The following GET4 variants were observed in gnomAD, a reference collection of about 807,000 sequenced individuals.
GET4 encodes the protein guided entry of tail-anchored proteins factor 4, also known as Golgi to ER traffic protein 4 homolog.
GET4 carries 20 observed loss-of-function variants against 40.0 expected under a neutral mutation model. The observed-to-expected ratio is 0.50, with a 90% confidence interval of 0.35 to 0.73. The LOEUF (loss-of-function observed/expected upper bound fraction) is 0.73, where lower values mean the gene tolerates loss of function less well. Among genes scored for constraint, GET4 ranks in the 30% least tolerant of loss-of-function variants. GET4 has a pLI of 0.01. For missense variants in GET4, 557 were observed against 454.0 expected (o/e 1.23, Z -2.06); for synonymous variants, 280 against 194.6 (o/e 1.44, Z -3.65).
At chr7:893,855 G>A (rs367686493) in intron 7 of GET4, 40 bp downstream of exon 7, 65 of 1,604,370 alleles carry the variant, frequency 4.1e-5, no homozygotes, top group South Asian at 3.3e-4. Flanking sequence ...GGGACCCCAC[G>A]GTCTGGGTCC....
At chr7:892,131 C>T (rs189087370) in intron 5 of GET4, 147 bp from the exon 6 acceptor site, 3 of 701,006 alleles carry the variant, frequency 4.3e-6, no homozygotes, top group Non-Finnish European at 4.9e-6. Context: ...AGGGAAGACA[C>T]GCGTGAAGCA....
intron 1 of GET4, among the ~76,000 whole-genome samples, chr7:878,985 C>G (rs80267638): frequency 6.6e-6 from 1 of 151,138 alleles, no homozygotes; most frequent in Non-Finnish European, 1.5e-5. Flanking sequence ...CACCCCCCCC[C>G]GAGTAGAGTC....
At chr7:887,676 A>T (rs1844219393) in intron 4 of GET4, among the ~76,000 whole-genome samples, 157 bp downstream of exon 4, 1 of 152,108 alleles carries the variant, frequency 6.6e-6, no homozygotes, top group African/African-American at 2.4e-5. Context: ...CGCCATGCTA[A>T]GCCCGGGATC....
At chr7:877,703 GCCCGGCC>G in intron 1 of GET4, among the ~76,000 whole-genome samples, 1 of 73,062 alleles carries the variant, frequency 1.4e-5, no homozygotes, top group Non-Finnish European at 2.7e-5. Context: ...AGATCTCCCT[GCCCGGCC>G]TCCCCCTCCC....
chr7:885,623 GC>G (rs1844172148), intron 1 of GET4: 1 of 168,722 alleles, frequency 5.9e-6, no homozygotes, highest in Non-Finnish European at 1.3e-5. Flanking sequence ...TGCTGTCACA[GC>G]CGTTACTGTC....
intron 1 of GET4, chr7:882,632 G>A (rs1844109176): frequency 6.6e-6 from 1 of 152,566 alleles, no homozygotes; most frequent in African/African-American, 2.4e-5. Context: ...CGCGGGTTGT[G>A]GGCGGCCGAC....
At position 886,324 on chromosome 7, in the gene GET4, C is replaced by T. The variant is rs553807155; in HGVS notation, c.234+190C>T. 40 of 608,680 alleles carry T rather than the reference C, an allele frequency of 6.6e-5. 1 individual carries two copies. The highest frequency in any genetic ancestry group is 4.3e-4 in the South Asian group (22 of 51,566). The allele number at this position is 608,680 out of a possible 1,614,324, so 37.7% of individuals were successfully genotyped here. On this transcript the variant is annotated intron_variant, in intron 2 of 8. Coordinates refer to ENST00000265857, the MANE Select transcript of GET4 (RefSeq NM_015949.3). ...CTCCACTCTCAAGACTGGGGCTCTG[C>T]GCTGCGTTTGTGCACGATGGGGCTG...
Position 876,733 on chromosome 7 carries a change from C to G in GET4, c.88C>G (p.Leu30Val). Reference protein sequence around the residue: ...RGGVQRVEGKLRASVEKGDYY... With the variant: ...RGGVQRVEGKVRASVEKGDYY... Reference sequence around the variant, plus strand: ...CGGCGTCCAGCGTGTGGAGGGCAAGCTGCGCGCCAGCGTCGAGAAGGGCGA... The same window carrying G: ...CGGCGTCCAGCGTGTGGAGGGCAAGGTGCGCGCCAGCGTCGAGAAGGGCGA... Residue 30 changes from leucine to valine, a missense_variant, in exon 1 of 9, where the codon CTG becomes GTG. Leu to Val is a conservative substitution (Grantham distance 32). Coordinates refer to ENST00000265857, the MANE Select transcript of GET4 (RefSeq NM_015949.3). 1 of 1,380,320 alleles carries G rather than the reference C, an allele frequency of 7.2e-7. No individual in the cohort carries two copies. Among genetic ancestry groups the G allele is most frequent in the Non-Finnish European group, 9.5e-7 (1 of 1,051,540 alleles). The allele number at this position is 1,380,320 out of a possible 1,614,324, so 85.5% of individuals were successfully genotyped here. A position where few individuals can be genotyped will look rare whatever the true frequency, so the allele number is the denominator to read the frequency against.
intron 8 of GET4, among the ~76,000 whole-genome samples, chr7:895,068 T>C (rs1844446017): frequency 6.6e-6 from 1 of 151,734 alleles, no homozygotes; most frequent in African/African-American, 2.4e-5. Flanking sequence ...CCGTGGCTGC[T>C]CCATGGCCCC....
Position 884,553 on chromosome 7 carries a change from C to T in GET4, c.156-1503C>T, listed in dbSNP as rs1367327056. The T allele has an allele frequency of 2.4e-5, 8 of 335,192 alleles. No homozygotes were observed. The Admixed American group carries it at 3.3e-4, about 14-fold the overall frequency. The allele number at this position is 335,192 out of a possible 1,614,324, so 20.8% of individuals were successfully genotyped here. A position where few individuals can be genotyped will look rare whatever the true frequency, so the allele number is the denominator to read the frequency against. On this transcript the variant is annotated intron_variant, in intron 1 of 8. Transcript: ENST00000265857. ...CCTCTGTGCAGCACGAAGCGGTCTC[C>T]TGTGGGGGGAGGGCCTGTGTGCCAG... is the stretch of plus-strand genomic sequence containing the variant.
chr7:876,729 C>T lies in GET4; in HGVS notation c.84C>T (p.Gly28=). Residue 28 remains glycine (G), a synonymous_variant, in exon 1 of 9, where the codon GGC becomes GGT. Coordinates refer to ENST00000265857, the MANE Select transcript of GET4 (RefSeq NM_015949.3). ...GCGGCGGCGTCCAGCGTGTGGAGGG[C>T]AAGCTGCGCGCCAGCGTCGAGAAGG... ...RNRGGVQRVE[G]KLRASVEKGD... The T allele has an allele frequency of 1.4e-6, 2 of 1,379,404 alleles. No individual in the cohort carries two copies. Among genetic ancestry groups the T allele is most frequent in the Non-Finnish European group, 1.9e-6 (2 of 1,051,066 alleles). 85.4% of individuals were successfully genotyped at this position (1,379,404 alleles called of 1,614,324 possible).
At chr7:877,026 G>C (rs1435206909) in intron 1 of GET4, among the ~76,000 whole-genome samples, 1 of 151,514 alleles carries the variant, frequency 6.6e-6, no homozygotes, top group Non-Finnish European at 1.5e-5. Context: ...CTCCCGCCTC[G>C]GCTTCCTTCC....
At chr7:894,439 G>A (rs1328851949) in intron 8 of GET4, among the ~76,000 whole-genome samples, 4 of 152,180 alleles carry the variant, frequency 2.6e-5, no homozygotes, top group African/African-American at 9.7e-5. Context: ...TGCCTTCCCA[G>A]CGTCACCTGT....
intron 3 of GET4, chr7:887,168 T>A (rs1253951296): frequency 2.7e-6 from 2 of 731,840 alleles, no homozygotes; most frequent in South Asian, 2.9e-5. Context: ...CCGTCCTTCC[T>A]TCCTCGCTGT....
chr7:895,305 C>T (rs759873761), intron 8 of GET4, 29 bp from the exon 9 acceptor site: 40 of 1,204,044 alleles, frequency 3.3e-5, no homozygotes, highest in Middle Eastern at 3.8e-4. Flanking sequence ...GCTGCCCAGG[C>T]GTGACTGCCA....
intron 1 of GET4, chr7:880,780 C>T (rs185592815): frequency 6.6e-6 from 1 of 152,368 alleles, no homozygotes; most frequent in Admixed American, 6.5e-5. Context: ...GTTGTCTTTC[C>T]AGGGTAGAAT....
At chr7:892,983 A>C (rs189016120) in intron 6 of GET4, among the ~76,000 whole-genome samples, 1 of 144,002 alleles carries the variant, frequency 6.9e-6, no homozygotes, top group East Asian at 2.1e-4. Context: ...GTTTGCAGGT[A>C]AGTGTTGGGG....
At chr7:884,984 G>A (rs897240322) in intron 1 of GET4, 1 of 152,348 alleles carries the variant, frequency 6.6e-6, no homozygotes, top group Non-Finnish European at 1.5e-5. Context: ...GTCTCACTAT[G>A]TTGCTCAGGC....
In GET4 at chr7:886,637, T is replaced by A. The variant is rs138523780; in HGVS notation, c.303T>A (p.Ala101=). 3.7e-6 allele frequency: 6 copies of A among 1,611,018 alleles called. No homozygotes were observed. The highest frequency in any genetic ancestry group is 1.3e-5 in the African/African-American group (1 of 74,868). Residue 101 remains alanine, a synonymous_variant, in exon 3 of 9, where the codon GCT becomes GCA. Transcript: ENST00000265857. ...ESLEKAEVEV[A]DELLENLAKV... ...TGGAGAAGGCGGAAGTGGAGGTGGC[T>A]GACGAGCTGCTGGGTGAGCATCCGG...
Sources: gnomAD v4.1 joint callset for allele counts (sites outside exome capture counted in the v4.1 genomes callset) on GRCh38, gnomAD v4.1.1 for gene constraint, MANE v1.5 for transcripts, NCBI Gene and HGNC (gene_info 2026-07-23, HGNC 2026-07-21) for gene names.